The following ALK variants were observed in gnomAD, a reference collection of about 807,000 sequenced individuals.
The protein encoded by ALK is ALK receptor tyrosine kinase, also known as ALK tyrosine kinase receptor.
In ALK, 74 loss-of-function variants were observed where a neutral mutation model predicts 163.1. The ratio of observed to expected loss-of-function variants is 0.45; its 90% CI spans 0.38 to 0.55. ALK has a LOEUF of 0.55. Ranked by LOEUF, ALK falls within the 20% of genes least tolerant of loss-of-function variation. ALK has a pLI of 0.00. For missense variants in ALK, 2,063 were observed against 2,105.3 expected (o/e 0.98, Z 0.39); for synonymous variants, 960 against 843.2 (o/e 1.14, Z -2.40).
intron 4 of ALK, among the ~76,000 whole-genome samples, chr2:29,496,808 T>C (rs1360038142): frequency 6.6e-6 from 1 of 152,228 alleles, no homozygotes; most frequent in African/African-American, 2.4e-5. Flanking sequence ...TTACACCATG[T>C]GCCAAGCAAC....
Position 29,570,423 on chromosome 2 carries a change from G to A in ALK, c.953-38307C>T, listed in dbSNP as rs189580999. Among the ~76,000 whole-genome samples, 262 of 152,284 alleles carry A rather than the reference G, an allele frequency of 1.7e-3. 2 individuals carry two copies. The highest frequency in any genetic ancestry group is 5.9e-4 in the Non-Finnish European group (40 of 68,032). ...TTGGCAGGTGTGCCCAGGTAGGACC[G>A]ACAGTGCTCAAGAATGTTAAAATTC... On this transcript the variant is annotated intron_variant, in intron 3 of 28. Transcript: ENST00000389048.
At chr2:29,851,671 C>G (rs1198977792) in intron 1 of ALK, among the ~76,000 whole-genome samples, 1 of 152,190 alleles carries the variant, frequency 6.6e-6, no homozygotes, top group Non-Finnish European at 1.5e-5. Context: ...GGGAACCACA[C>G]TTTAAGGACC....
intron 4 of ALK, among the ~76,000 whole-genome samples, chr2:29,389,653 C>T (rs191832972): frequency 1.6e-4 from 25 of 152,252 alleles, no homozygotes; most frequent in African/African-American, 5.3e-4. Flanking sequence ...TTAAATCAGA[C>T]GAGTTTCTGA....
chr2:29,309,941 A>C (rs1028924568), intron 8 of ALK, among the ~76,000 whole-genome samples: 6 of 152,246 alleles, frequency 3.9e-5, no homozygotes, highest in Non-Finnish European at 7.3e-5. Context: ...GAGTAACGTA[A>C]GATGAGGGAT....
At chr2:29,625,833 G>A (rs1384787102) in intron 3 of ALK, among the ~76,000 whole-genome samples, 1 of 152,230 alleles carries the variant, frequency 6.6e-6, no homozygotes, top group Non-Finnish European at 1.5e-5. Flanking sequence ...TTGCCTGATG[G>A]AGCAGAGGCA....
chr2:29,702,080 A>G (rs1379061895), intron 2 of ALK, among the ~76,000 whole-genome samples: 1 of 152,100 alleles, frequency 6.6e-6, no homozygotes, highest in East Asian at 1.9e-4. Context: ...ACTGACTCTG[A>G]AAGTATCACC....
chr2:29,428,792 A>G (rs1670205510), intron 4 of ALK, among the ~76,000 whole-genome samples: 1 of 152,042 alleles, frequency 6.6e-6, no homozygotes, highest in East Asian at 1.9e-4. Flanking sequence ...CCAGAACCAG[A>G]CAAAGTTATT....
chr2:29,618,972 G>T (rs1420309970), intron 3 of ALK, among the ~76,000 whole-genome samples: 1 of 149,184 alleles, frequency 6.7e-6, no homozygotes. Context: ...AAGCGAGACT[G>T]CGTCTCAAAA....
intron 9 of ALK, 95 bp downstream of exon 9, chr2:29,296,793 C>T: frequency 1.3e-6 from 2 of 1,523,430 alleles, no homozygotes; most frequent in Non-Finnish European, 1.8e-6. Context: ...GCATGTGTGT[C>T]TTGGGTAAAA....
intron 1 of ALK, among the ~76,000 whole-genome samples, chr2:29,725,101 G>T (rs1286591599): frequency 7.7e-6 from 1 of 130,174 alleles, no homozygotes; most frequent in Non-Finnish European, 1.6e-5. Context: ...AAAGGAAATT[G>T]TTAGCATGGT....
intron 1 of ALK, among the ~76,000 whole-genome samples, chr2:29,751,593 TGAG>T (rs1680367771): frequency 6.6e-6 from 1 of 152,206 alleles, no homozygotes; most frequent in Non-Finnish European, 1.5e-5. Context: ...TCTGCTACTC[TGAG>T]TTAATGAATA....
chr2:29,568,454 A>C (rs1224593785), intron 3 of ALK, among the ~76,000 whole-genome samples: 1 of 152,182 alleles, frequency 6.6e-6, no homozygotes. Flanking sequence ...TGAAAACCTA[A>C]TTGAGAGCCG....
chr2:29,429,446 T>G (rs1375637011), intron 4 of ALK, among the ~76,000 whole-genome samples: 5 of 152,048 alleles, frequency 3.3e-5, no homozygotes, highest in Non-Finnish European at 7.4e-5. Context: ...AAAGTGGCAA[T>G]GTACAATTCA....
intron 5 of ALK, among the ~76,000 whole-genome samples, chr2:29,354,714 T>C (rs1464560957): frequency 1.3e-5 from 2 of 152,054 alleles, no homozygotes; most frequent in South Asian, 2.1e-4. Context: ...TGTAGCTTTC[T>C]GGTTCCAGTC....
chr2:29,653,099 G>A (rs1367488768), intron 3 of ALK, among the ~76,000 whole-genome samples: 1 of 152,114 alleles, frequency 6.6e-6, no homozygotes, highest in East Asian at 1.9e-4. Context: ...CAGGTAGATA[G>A]TGTCAGAATA....
At position 29,352,935 on chromosome 2, in the gene ALK, G is replaced by A. The variant is rs189012774; in HGVS notation, c.1283-24454C>T. 1.1e-3 allele frequency among the ~76,000 whole-genome samples: 166 copies of A among 152,328 alleles called. 1 individual carries two copies. Among genetic ancestry groups the A allele is most frequent in the African/African-American group, 3.8e-3 (157 of 41,564 alleles). ...CCTGGGTGCAGGAGAAACTAACTTC[G>A]GGAAGAACTCAGTTTGTAGTTTAAC... On this transcript the variant is annotated intron_variant, in intron 5 of 28. Transcript: ENST00000389048.
At chr2:29,767,516 C>G (rs1480960659) in intron 1 of ALK, among the ~76,000 whole-genome samples, 3 of 152,214 alleles carry the variant, frequency 2.0e-5, no homozygotes. Context: ...GCCTCTGGCT[C>G]CTGGCATAGT....
chr2:29,777,892 AAT>A (rs1681220343), intron 1 of ALK, among the ~76,000 whole-genome samples: 1 of 152,194 alleles, frequency 6.6e-6, no homozygotes, highest in Admixed American at 6.5e-5. Context: ...TTCCCAGATC[AAT>A]AGTCTCAGGG....
chr2:29,326,644 T>C (rs1312797449), intron 6 of ALK, among the ~76,000 whole-genome samples: 1 of 152,214 alleles, frequency 6.6e-6, no homozygotes, highest in Non-Finnish European at 1.5e-5. Flanking sequence ...CCTGTAACTC[T>C]TTGCTGAGTT....
Sources: allele counts gnomAD v4.1 joint callset (sites outside exome capture counted in the v4.1 genomes callset), GRCh38; gene constraint gnomAD v4.1.1; transcripts MANE v1.5; gene names NCBI Gene and HGNC (gene_info 2026-07-23, HGNC 2026-07-21).